The following OTUD5 variants were observed in gnomAD, a reference collection of about 807,000 sequenced individuals.
OTUD5 encodes OTU domain-containing protein 5.
Under a neutral mutation model 36.3 loss-of-function variants are expected in OTUD5, and 2 were observed. The ratio of observed to expected loss-of-function variants is 0.06; its 90% CI spans 0.02 to 0.17. The LOEUF (loss-of-function observed/expected upper bound fraction) is 0.17. Among genes scored for constraint, OTUD5 ranks in the 10% least tolerant of loss-of-function variants. The pLI is 1.00. For missense variants in OTUD5, 233 were observed against 512.3 expected (o/e 0.45, Z 5.26); for synonymous variants, 234 against 214.9 (o/e 1.09, Z -0.78).
intron 1 of OTUD5, among the ~76,000 whole-genome samples, chrX:48,953,704 A>G (rs1557054409): frequency 9.0e-6 from 1 of 111,161 alleles, no homozygotes; most frequent in East Asian, 2.8e-4. Context: ...TTCATAGAGC[A>G]GACTCTCAGC....
chrX:48,934,920 C>T (rs1397299690), intron 3 of OTUD5, 34 bp downstream of exon 3: 2 of 1,202,423 alleles, frequency 1.7e-6, no homozygotes, highest in Non-Finnish European at 2.3e-6. Flanking sequence ...ATCCTCCCAC[C>T]CTGCCCCTTC....
chrX:48,938,143 T>C (rs1450817179), intron 2 of OTUD5, among the ~76,000 whole-genome samples: 1 of 111,847 alleles, frequency 8.9e-6, no homozygotes, highest in Admixed American at 9.5e-5. Flanking sequence ...CTCTCCTCAA[T>C]CCTATGATGG....
At chrX:48,925,106 G>A (rs113421033) in intron 6 of OTUD5, among the ~76,000 whole-genome samples, 4,692 of 109,376 alleles carry the variant, frequency 0.043, 108 homozygotes, top group Non-Finnish European at 0.065. Flanking sequence ...GTGAAACCCC[G>A]TCTCTACTAA....
intron 1 of OTUD5, among the ~76,000 whole-genome samples, chrX:48,948,556 C>T (rs1220643068): frequency 2.7e-5 from 3 of 111,130 alleles, no homozygotes; most frequent in Non-Finnish European, 3.8e-5. Context: ...ATAGGCCCCT[C>T]GCACTGCAGG....
chrX:48,954,115 T>C (rs1331903859), intron 1 of OTUD5, among the ~76,000 whole-genome samples: 1 of 110,810 alleles, frequency 9.0e-6, no homozygotes, highest in Non-Finnish European at 1.9e-5. Context: ...CCACAAAACT[T>C]GATTTTCATA....
intron 5 of OTUD5, among the ~76,000 whole-genome samples, chrX:48,929,546 C>T (rs782358826): frequency 2.1e-4 from 23 of 108,245 alleles, no homozygotes; most frequent in South Asian, 1.6e-3. Context: ...CATGATGAAA[C>T]CCCGTCTCTA....
upstream of OTUD5, chrX:48,958,137 C>T (rs782694344): frequency 1.8e-5 from 2 of 113,528 alleles, no homozygotes; most frequent in Admixed American, 1.8e-4. Flanking sequence ...CGGTGCCCTC[C>T]GTCTCAAATT....
intron 1 of OTUD5, among the ~76,000 whole-genome samples, chrX:48,949,444 G>A (rs1557053203): frequency 2.7e-5 from 3 of 111,548 alleles, no homozygotes; most frequent in Admixed American, 9.5e-5. Context: ...CTGGGAGGCC[G>A]AGGCGGGTGG....
intron 5 of OTUD5, 39 bp from the exon 6 acceptor site, chrX:48,926,089 A>ACTGAAC: frequency 2.8e-6 from 3 of 1,085,563 alleles, no homozygotes; most frequent in East Asian, 6.0e-5. Flanking sequence ...GCAATAACAC[A>ACTGAAC]CTGAACCTGC....
chrX:48,939,826 T>C (rs1427898057), intron 2 of OTUD5, among the ~76,000 whole-genome samples: 3 of 112,528 alleles, frequency 2.7e-5, no homozygotes, highest in South Asian at 3.6e-4. Flanking sequence ...TGGATTATCT[T>C]CCTATAGGGT....
In OTUD5 at chrX:48,922,934, G is replaced by A. The variant is rs1483983769; in HGVS notation, c.*240C>T. On this transcript the variant is annotated 3_prime_UTR_variant, in exon 9 of 9. Transcript: ENST00000376488. ...CCCTGTGGAATGCAGGGATGGTTCTGTGCGGGATGGGGTGGGGGGCAACAG... is the reference window on the plus strand; with the variant it reads ...CCCTGTGGAATGCAGGGATGGTTCTATGCGGGATGGGGTGGGGGGCAACAG... 2 of 1,033,998 alleles carry A rather than the reference G, an allele frequency of 1.9e-6. No individual in the cohort carries two copies. Among genetic ancestry groups the A allele is most frequent in the Non-Finnish European group, 2.5e-6 (2 of 808,460 alleles). 85.2% of individuals were successfully genotyped at this position (1,033,998 alleles called of 1,213,427 possible).
intron 5 of OTUD5, among the ~76,000 whole-genome samples, chrX:48,932,722 T>C (rs888255629): frequency 5.4e-5 from 6 of 110,945 alleles, no homozygotes; most frequent in South Asian, 3.8e-4. Context: ...GGCACAAGGA[T>C]CACTTGAGCC....
chrX:48,947,821 G>T (rs782226157), intron 1 of OTUD5, among the ~76,000 whole-genome samples: 1 of 111,954 alleles, frequency 8.9e-6, no homozygotes, highest in East Asian at 2.8e-4. Flanking sequence ...TTGTTAACTG[G>T]ATGAGAAATG....
chrX:48,957,784 C>G, upstream of OTUD5: 3 of 787,724 alleles, frequency 3.8e-6, no homozygotes, highest in Non-Finnish European at 4.5e-6. Flanking sequence ...AGAGGAGAAC[C>G]CGGATGTAAA....
In OTUD5 at chrX:48,957,182, A is replaced by C. The variant is rs782081505; in HGVS notation, c.389T>G (p.Val130Gly). 8.9e-7 allele frequency: 1 copy of C among 1,121,926 alleles called. No individual in the cohort carries two copies. Among genetic ancestry groups the C allele is most frequent in the Non-Finnish European group, 1.2e-6 (1 of 859,778 alleles). The allele number at this position is 1,121,926 out of a possible 1,213,427, so 92.5% of individuals were successfully genotyped here. A position where few individuals can be genotyped will look rare whatever the true frequency, so the allele number is the denominator to read the frequency against. Reference sequence around the variant, plus strand: ...GCCTACGGCACCACCCACACCCACCACCACGCCCGCGGCACCCACACCCGC... The same window carrying C: ...GCCTACGGCACCACCCACACCCACCCCCACGCCCGCGGCACCCACACCCGC... ...AAAGVGAAGV[V>G]VGVGGAVGVG... The change falls in exon 1 of 9, where the codon GTG (valine) becomes GGG (glycine). Residue 130 changes from valine (V) to glycine (G), a missense_variant. Physicochemically the swap from Val to Gly is moderately radical, Grantham distance 109. This residue lies in a region of OTUD5 where 155 missense variants were observed against 217.2 expected (regional missense o/e 0.71). Transcript: ENST00000376488.
chrX:48,955,525 T>C (rs2147693262), intron 1 of OTUD5, among the ~76,000 whole-genome samples: 1 of 110,923 alleles, frequency 9.0e-6, no homozygotes, highest in South Asian at 3.8e-4. Context: ...TATGTATGAG[T>C]CTCCTGTCCC....
At chrX:48,934,040 G>A (rs2063795568) in intron 5 of OTUD5, among the ~76,000 whole-genome samples, 2 of 111,845 alleles carry the variant, frequency 1.8e-5, no homozygotes, top group African/African-American at 6.5e-5. Context: ...CTGCCAGCCT[G>A]GAATACTTAC....
chrX:48,949,416 G>A (rs956897330), intron 1 of OTUD5, among the ~76,000 whole-genome samples: 3 of 111,689 alleles, frequency 2.7e-5, no homozygotes, highest in Non-Finnish European at 3.8e-5. Flanking sequence ...GGTGATTCAC[G>A]CCTGTAATCG....
At chrX:48,945,266 C>CTTT (rs139382090) in intron 1 of OTUD5, among the ~76,000 whole-genome samples, 194 of 73,188 alleles carry the variant, frequency 2.7e-3, no homozygotes, top group African/African-American at 4.8e-3. Flanking sequence ...AAAATCAAGT[C>CTTT]TTTTTTTTTT....
Sources: gnomAD v4.1 joint callset for allele counts (sites outside exome capture counted in the v4.1 genomes callset) on GRCh38, gnomAD v4.1.1 for gene constraint, gnomAD v4.1.1 regional missense constraint, MANE v1.5 for transcripts, NCBI Gene and HGNC (gene_info 2026-07-23, HGNC 2026-07-21) for gene names.